The following CAPN1 variants were observed in gnomAD, a reference collection of about 807,000 sequenced individuals.
The protein encoded by CAPN1 is calpain-1 catalytic subunit.
Under a neutral mutation model 105.2 loss-of-function variants are expected in CAPN1, and 77 were observed. The observed-to-expected ratio is 0.73, with a 90% CI of 0.61 to 0.88. CAPN1 has a LOEUF of 0.88. CAPN1 is among the 40% of genes least tolerant of loss of function. CAPN1 has a pLI of 0.00. For synonymous variants in CAPN1, 355 were observed against 388.8 expected (o/e 0.91, Z 1.02); for missense variants, 833 against 976.6 (o/e 0.85, Z 1.96).
At position 65,183,517 on chromosome 11, in the gene CAPN1, C is replaced by T. The variant is rs374553729; in HGVS notation, c.381C>T (p.Asn127=). ...CGGCCATCGCCTCCCTCACTCTCAA[C>T]GACACCCTCCTGCACCGAGTGGTTC... ...LLAAIASLTL[N]DTLLHRVVPH... is the part of the protein sequence containing the mutation. Residue 127 remains asparagine (N), a synonymous_variant, in exon 4 of 22, where the codon AAC becomes AAT. Coordinates refer to ENST00000279247, the MANE Select transcript of CAPN1 (RefSeq NM_005186.4). 5.7e-5 allele frequency: 92 copies of T among 1,613,772 alleles called. No homozygotes were observed. The highest frequency in any genetic ancestry group is 7.1e-5 in the Non-Finnish European group (84 of 1,179,792).
In CAPN1 at chr11:65,190,831, A is replaced by G. The variant is rs138911074; in HGVS notation, c.1165+2085A>G. Among the ~76,000 whole-genome samples the G allele has an allele frequency of 2.7e-3, 408 of 150,288 alleles. 3 individuals carry two copies. Among genetic ancestry groups the G allele is most frequent in the African/African-American group, 9.3e-3 (381 of 40,966 alleles). ...GGGTTCAGATGATGCTTCTGCCTCA[A>G]CCTCCTGAGTAGCTGTGATTACAGG... is the stretch of plus-strand genomic sequence containing the variant. On this transcript the variant is annotated intron_variant, in intron 10 of 21. Coordinates refer to ENST00000279247, the MANE Select transcript of CAPN1 (RefSeq NM_005186.4).
chr11:65,208,380 C>A lies in CAPN1; in HGVS notation c.1729+118C>A, dbSNP rs1225700430. 8 of 1,008,478 alleles carry A rather than the reference C, an allele frequency of 7.9e-6. No homozygotes were observed. Among genetic ancestry groups the A allele is most frequent in the Non-Finnish European group, 1.2e-5 (8 of 661,052 alleles). The allele number at this position is 1,008,478 out of a possible 1,614,324, so 62.5% of individuals were successfully genotyped here. On this transcript the variant is annotated intron_variant, in intron 16 of 21. Transcript: ENST00000279247. This position sits in a 1 kb window ranked among gnomAD's most constrained non-coding sequence, Gnocchi z 4.1. ...TGGTCTGCATGAGTCGGGGAATCCT[C>A]CAGTTTTTCTGAGCCCAGTTCCCTG...
rs1565395523 is a variant in CAPN1 at position 65,188,419 on chromosome 11, CAG to C, written c.938_939del (p.Glu313ValfsTer8). 6.2e-7 allele frequency: 1 copy of C among 1,611,146 alleles called. No individual in the cohort carries two copies. The highest frequency in any genetic ancestry group is 2.2e-5 in the East Asian group (1 of 44,756). On this transcript the variant is annotated frameshift_variant, in exon 9 of 22. Coordinates refer to ENST00000279247, the MANE Select transcript of CAPN1 (RefSeq NM_005186.4). LOFTEE classifies it high-confidence loss of function. This position sits in a 1 kb window ranked among gnomAD's most constrained non-coding sequence, Gnocchi z 5.5. ...CAGAGCCCTGCTCCTCACAGCTCCT[CAG>C]AGTGGAACAACGTGGACCCATATGA... is the stretch of plus-strand genomic sequence containing the variant.
intron 4 of CAPN1, among the ~76,000 whole-genome samples, chr11:65,184,705 C>T (rs1948606947): frequency 6.6e-6 from 1 of 152,182 alleles, no homozygotes; most frequent in Non-Finnish European, 1.5e-5. Context: ...GTGCCCCTAA[C>T]CCCCTTGAAT....
In CAPN1 at chr11:65,188,299, TGAG is replaced by T. The variant is rs1948667218; in HGVS notation, c.930-110_930-108del. On this transcript the variant is annotated intron_variant, in intron 8 of 21. Coordinates refer to ENST00000279247, the MANE Select transcript of CAPN1 (RefSeq NM_005186.4). The surrounding 1 kb of genome is among the most constrained non-coding windows in gnomAD (Gnocchi z 5.5). Reference sequence around the variant, plus strand: ...GAAGCGGAACCTTGGCGCTTGACCTTGAGGAGGCCACCTGGGCTGGGCCGGGGG... The same window carrying T: ...GAAGCGGAACCTTGGCGCTTGACCTTGAGGCCACCTGGGCTGGGCCGGGGG... The T allele has an allele frequency of 1.1e-6, 1 of 946,432 alleles. No homozygotes were observed. The highest frequency in any genetic ancestry group is 1.6e-6 in the Non-Finnish European group (1 of 623,574). The allele number at this position is 946,432 out of a possible 1,614,324, so 58.6% of individuals were successfully genotyped here. A position where few individuals can be genotyped will look rare whatever the true frequency, so the allele number is the denominator to read the frequency against.
At chr11:65,195,100 G>GTT (rs60778423) in intron 10 of CAPN1, among the ~76,000 whole-genome samples, 24 of 90,898 alleles carry the variant, frequency 2.6e-4, no homozygotes, top group African/African-American at 4.4e-4. Flanking sequence ...GTTTTTTGGG[G>GTT]TTTTTTTTTT....
chr11:65,209,752 G>C lies in CAPN1; in HGVS notation c.1795-97G>C. The C allele has an allele frequency of 8.1e-7, 1 of 1,238,296 alleles. No individual in the cohort carries two copies. The highest frequency in any genetic ancestry group is 1.2e-6 in the Non-Finnish European group (1 of 867,332). 76.7% of individuals were successfully genotyped at this position (1,238,296 alleles called of 1,614,324 possible). A position where few individuals can be genotyped will look rare whatever the true frequency, so the allele number is the denominator to read the frequency against. ...GCTTCTCCTCACCCAGCCCCAAGTCGACTTGCCGGCTCGGCGGCCATCTCC... is the reference window on the plus strand; with the variant it reads ...GCTTCTCCTCACCCAGCCCCAAGTCCACTTGCCGGCTCGGCGGCCATCTCC... On this transcript the variant is annotated intron_variant, in intron 17 of 21. Transcript: ENST00000279247. This position sits in a 1 kb window ranked among gnomAD's most constrained non-coding sequence, Gnocchi z 4.1.
At chr11:65,205,143 G>A (rs975654042) in intron 11 of CAPN1, among the ~76,000 whole-genome samples, 1 of 152,236 alleles carries the variant, frequency 6.6e-6, no homozygotes, top group Admixed American at 6.5e-5. Flanking sequence ...TTGGAGGAGG[G>A]AGCTGGCTCA....
chr11:65,210,859 T>C lies in CAPN1; in HGVS notation c.2105T>C (p.Phe702Ser). 6.2e-7 allele frequency: 1 copy of C among 1,613,650 alleles called. No homozygotes were observed. The highest frequency in any genetic ancestry group is 8.5e-7 in the Non-Finnish European group (1 of 1,179,638). Residue 702 changes from phenylalanine to serine, a missense_variant, in exon 21 of 22, where the codon TTT (phenylalanine) becomes TCT (serine). Physicochemically the swap from Phe to Ser is radical, Grantham distance 155 (BLOSUM62 -2). Transcript: ENST00000279247. This position sits in a 1 kb window ranked among gnomAD's most constrained non-coding sequence, Gnocchi z 4.3. ...ACAGATCTGGATGGAGTTGTGACCT[T>C]TGACTTGTTTAAGGTGGGAACCTCC... is the stretch of plus-strand genomic sequence containing the variant. ...LDTDLDGVVTFDLFKWLQLTM... is the reference protein window; with the variant it reads ...LDTDLDGVVTSDLFKWLQLTM...
At chr11:65,193,810 C>T (rs1184000103) in intron 10 of CAPN1, among the ~76,000 whole-genome samples, 1 of 151,728 alleles carries the variant, frequency 6.6e-6, no homozygotes, top group Admixed American at 6.6e-5. Flanking sequence ...TAGGTCACTG[C>T]AGCCTAAATT....
chr11:65,184,880 C>G (rs1948609751), intron 4 of CAPN1, among the ~76,000 whole-genome samples: 1 of 152,194 alleles, frequency 6.6e-6, no homozygotes, highest in African/African-American at 2.4e-5. Context: ...GTGAAGAAGG[C>G]ACCGCTGCTC....
In CAPN1 at chr11:65,186,007, GGCAACGAGTTCTGGA is replaced by G. The variant is rs1255786379; in HGVS notation, c.550_564del (p.Asn184_Ser188del). 1 of 1,610,356 alleles carries G rather than the reference GGCAACGAGTTCTGGA, an allele frequency of 6.2e-7. No homozygotes were observed. The highest frequency in any genetic ancestry group is 2.2e-5 in the East Asian group (1 of 44,748). On this transcript the variant is annotated inframe_deletion, in exon 5 of 22. Coordinates refer to ENST00000279247, the MANE Select transcript of CAPN1 (RefSeq NM_005186.4). ...GCTAGTGTTCGTGCACTCTGCCGAA[GGCAACGAGTTCTGGA>G]GCGCCCTGCTTGAGAAGGCCTATGC... is the stretch of plus-strand genomic sequence containing the variant.
At chr11:65,184,409 C>T (rs1301759531) in intron 4 of CAPN1, among the ~76,000 whole-genome samples, 2 of 151,906 alleles carry the variant, frequency 1.3e-5, no homozygotes, top group African/African-American at 4.8e-5. Context: ...CCCTGGCCTC[C>T]GATTGGCCAG....
chr11:65,198,043 G>A (rs1948816822), intron 10 of CAPN1, among the ~76,000 whole-genome samples: 1 of 151,800 alleles, frequency 6.6e-6, no homozygotes, highest in Non-Finnish European at 1.5e-5. Context: ...GCTGCCTTTT[G>A]TGTTGAGTTC....
At chr11:65,182,643 A>T in intron 1 of CAPN1, 58 bp from the exon 2 acceptor site, 1 of 1,449,336 alleles carries the variant, frequency 6.9e-7, no homozygotes. Context: ...TGCAGGCAGG[A>T]GCCCAGGTTC....
intron 10 of CAPN1, among the ~76,000 whole-genome samples, chr11:65,191,216 G>T (rs547032833): frequency 3.8e-4 from 58 of 152,148 alleles, no homozygotes; most frequent in African/African-American, 1.3e-3. Flanking sequence ...ATAGAATGTT[G>T]TATTTTTTAT....
rs373312340 is a variant in CAPN1 at position 65,211,444 on chromosome 11, G to A, written c.*158G>A. 1.4e-5 allele frequency: 10 copies of A among 702,744 alleles called. No homozygotes were observed. The highest frequency in any genetic ancestry group is 1.8e-5 in the Non-Finnish European group (7 of 398,032). 43.5% of individuals were successfully genotyped at this position (702,744 alleles called of 1,614,324 possible). A position where few individuals can be genotyped will look rare whatever the true frequency, so the allele number is the denominator to read the frequency against. On this transcript the variant is annotated 3_prime_UTR_variant, in exon 22 of 22. Coordinates refer to ENST00000279247, the MANE Select transcript of CAPN1 (RefSeq NM_005186.4). Reference sequence around the variant, plus strand: ...GTCCCCTCTCCTCCCAGCCACCATCGTTCATCTGCTCCGGGCAGAACTGTG... The same window carrying A: ...GTCCCCTCTCCTCCCAGCCACCATCATTCATCTGCTCCGGGCAGAACTGTG...
At chr11:65,182,272 T>G in intron 1 of CAPN1, 1 of 164,950 alleles carries the variant, frequency 6.1e-6, no homozygotes, top group Non-Finnish European at 1.3e-5. Context: ...TCTGGGGTTT[T>G]CAGCCCACGG....
At chr11:65,184,834 C>G (rs915874891) in intron 4 of CAPN1, among the ~76,000 whole-genome samples, 1 of 152,198 alleles carries the variant, frequency 6.6e-6, no homozygotes, top group Non-Finnish European at 1.5e-5. Context: ...CAGTGACTCC[C>G]TAAAGGCTTT....
Sources: allele counts gnomAD v4.1 joint callset (sites outside exome capture counted in the v4.1 genomes callset), GRCh38; gene constraint gnomAD v4.1.1; non-coding constraint Gnocchi (gnomAD v3.1); transcripts MANE v1.5; gene names NCBI Gene and HGNC (gene_info 2026-07-23, HGNC 2026-07-21).